Variants in CACNA1I observed in about 807,000 individuals in gnomAD.
CACNA1I encodes the protein voltage-dependent T-type calcium channel subunit alpha-1I.
Under a neutral mutation model 201.6 loss-of-function variants are expected in CACNA1I, and 74 were observed. That is an observed-to-expected ratio of 0.37 (90% CI 0.30 to 0.45). The LOEUF is 0.45. Ranked by LOEUF, CACNA1I falls within the 20% of genes least tolerant of loss-of-function variation. CACNA1I has a pLI of 1.00. For synonymous variants in CACNA1I, 1,431 were observed against 1,345.2 expected (o/e 1.06, Z -1.40); for missense variants, 2,346 against 3,138.1 (o/e 0.75, Z 6.03).
chr22:39,686,074 CGGGCGGCGG>C lies in CACNA1I; in HGVS notation c.6347_6355del (p.Gly2116_Gly2118del). The C allele has an allele frequency of 8.1e-7, 1 of 1,227,340 alleles. No individual in the cohort carries two copies. The highest frequency in any genetic ancestry group is 1.0e-6 in the Non-Finnish European group (1 of 987,308). 76.0% of individuals were successfully genotyped at this position (1,227,340 alleles called of 1,614,324 possible). A position where few individuals can be genotyped will look rare whatever the true frequency, so the allele number is the denominator to read the frequency against. ...TCGGACGAGGAGGGCCGCGGTGGCG[CGGGCGGCGG>C]GGGCGCGGGCAGCGAGCACTCGGAG... is the stretch of plus-strand genomic sequence containing the variant. On this transcript the variant is annotated inframe_deletion, in exon 37 of 37. Coordinates refer to ENST00000402142, the MANE Select transcript of CACNA1I (RefSeq NM_021096.4).
At chr22:39,607,400 G>T (rs902717124) in intron 3 of CACNA1I, among the ~76,000 whole-genome samples, 5 of 152,218 alleles carry the variant, frequency 3.3e-5, no homozygotes, top group African/African-American at 1.2e-4. Flanking sequence ...TTAGCTCAGG[G>T]ATCCACTGCC....
chr22:39,608,998 G>A (rs1933305141), intron 3 of CACNA1I, among the ~76,000 whole-genome samples: 1 of 152,222 alleles, frequency 6.6e-6, no homozygotes, highest in Non-Finnish European at 1.5e-5. Context: ...GTATGTCCCT[G>A]CTGAGGTTGC....
At chr22:39,663,946 G>A (rs1935103478) in intron 19 of CACNA1I, 105 bp downstream of exon 19, 25 of 1,550,250 alleles carry the variant, frequency 1.6e-5, no homozygotes, top group Non-Finnish European at 2.2e-5. Context: ...GGCAGGACAG[G>A]AAGTTTGCCT....
At position 39,648,030 on chromosome 22, in the gene CACNA1I, C is replaced by A; in HGVS notation, c.1567+104C>A. ...GGCAGGCATGGGGACGGCGCTTGAG[C>A]AGCCGCGACCCTCTGCAGGCCTGTC... On this transcript the variant is annotated intron_variant, in intron 9 of 36. Coordinates refer to ENST00000402142, the MANE Select transcript of CACNA1I (RefSeq NM_021096.4). This position sits in a 1 kb window ranked among gnomAD's most constrained non-coding sequence, Gnocchi z 5.4. 1 of 971,572 alleles carries A rather than the reference C, an allele frequency of 1.0e-6. No individual in the cohort carries two copies. Among genetic ancestry groups the A allele is most frequent in the Non-Finnish European group, 1.6e-6 (1 of 634,744 alleles). The allele number at this position is 971,572 out of a possible 1,614,324, so 60.2% of individuals were successfully genotyped here.
At chr22:39,588,941 T>C (rs132580) in intron 1 of CACNA1I, among the ~76,000 whole-genome samples, 77,203 of 152,090 alleles carry the variant, frequency 0.51, 20,524 homozygotes, top group African/African-American at 0.55. Flanking sequence ...GTGTTTCAGT[T>C]GCCTGTCCTT....
chr22:39,616,811 T>C (rs1933553012), intron 3 of CACNA1I, among the ~76,000 whole-genome samples: 2 of 151,478 alleles, frequency 1.3e-5, no homozygotes, highest in African/African-American at 4.9e-5. Context: ...AAACACTCTT[T>C]GTCATCAAGG....
chr22:39,656,239 T>C, intron 10 of CACNA1I, among the ~76,000 whole-genome samples: 1 of 151,956 alleles, frequency 6.6e-6, no homozygotes, highest in East Asian at 1.9e-4. Flanking sequence ...TTTTTTTCCA[T>C]CCTCCTTTTA....
rs1302873064 is a variant in CACNA1I at position 39,686,607 on chromosome 22, T to G, written c.*202T>G. ...TGGTGGCCCTTCCAGTGCATATACATACATATATATATATATATGCATATA... is the reference window on the plus strand; with the variant it reads ...TGGTGGCCCTTCCAGTGCATATACAGACATATATATATATATATGCATATA... On this transcript the variant is annotated 3_prime_UTR_variant, in exon 37 of 37. Coordinates refer to ENST00000402142, the MANE Select transcript of CACNA1I (RefSeq NM_021096.4). The G allele has an allele frequency of 1.1e-5, 1 of 93,730 alleles. No homozygotes were observed. Among genetic ancestry groups the G allele is most frequent in the Admixed American group, 1.3e-4 (1 of 7,980 alleles). 5.8% of individuals were successfully genotyped at this position (93,730 alleles called of 1,614,324 possible). A position where few individuals can be genotyped will look rare whatever the true frequency, so the allele number is the denominator to read the frequency against.
At chr22:39,664,202 G>C (rs1352118282) in intron 20 of CACNA1I, 43 bp downstream of exon 20, 1 of 1,546,318 alleles carries the variant, frequency 6.5e-7, no homozygotes, top group African/African-American at 1.4e-5. Context: ...GCCCCAGCTC[G>C]GGCCCCTGGC....
chr22:39,659,408 T>C lies in CACNA1I; in HGVS notation c.2331-25T>C, dbSNP rs1220698291. ...GGCAGTTTGGTGCATGTGAGTCCGA[T>C]GAGCCTCTTCCATCCTTTCCCCAGC... is the stretch of plus-strand genomic sequence containing the variant. On this transcript the variant is annotated intron_variant, in intron 12 of 36. Coordinates refer to ENST00000402142, the MANE Select transcript of CACNA1I (RefSeq NM_021096.4). This position sits in a 1 kb window ranked among gnomAD's most constrained non-coding sequence, Gnocchi z 4.3. 2 of 1,450,756 alleles carry C rather than the reference T, an allele frequency of 1.4e-6. No homozygotes were observed. The highest frequency in any genetic ancestry group is 2.5e-5 in the East Asian group (1 of 40,378). 89.9% of individuals were successfully genotyped at this position (1,450,756 alleles called of 1,614,324 possible).
Position 39,672,922 on chromosome 22 carries a change from C to A in CACNA1I, c.4650-27C>A, listed in dbSNP as rs372992372. On this transcript the variant is annotated intron_variant, in intron 27 of 36. Coordinates refer to ENST00000402142, the MANE Select transcript of CACNA1I (RefSeq NM_021096.4). ...CAGAGGGATCCTCCTCATGCCCACT[C>A]CTGCCCTCCCATGCACGGCTGAGCA... 902 of 1,602,846 alleles carry A rather than the reference C, an allele frequency of 5.6e-4. 16 individuals are homozygous for A. The South Asian group carries it at 7.8e-3, about 14-fold the overall frequency.
Position 39,646,822 on chromosome 22 carries a change from G to A in CACNA1I, c.1403G>A (p.Gly468Asp). The A allele has an allele frequency of 1.3e-6, 2 of 1,544,768 alleles. No individual in the cohort carries two copies. The highest frequency in any genetic ancestry group is 1.7e-6 in the Non-Finnish European group (2 of 1,144,870). Residue 468 changes from glycine to aspartate, a missense_variant, in exon 8 of 37, where the codon GGC becomes GAC. By Grantham distance (94) the Gly-to-Asp change is moderately conservative (BLOSUM62 -1). Transcript: ENST00000402142. The part of the protein sequence containing the change: ...QALQSRRQAL[G>D]PEAPAPAKPG... ...CTGCAGAGCCGGCGCCAGGCCCTGG[G>A]CCCGGAGGCCCCGGCCCCCGCCAAA... is the stretch of plus-strand genomic sequence containing the variant.
intron 5 of CACNA1I, among the ~76,000 whole-genome samples, chr22:39,635,410 GTGCCTCTCAGTC>G (rs1934187581): frequency 6.6e-6 from 1 of 152,168 alleles, no homozygotes; most frequent in Non-Finnish European, 1.5e-5. Flanking sequence ...CCTCTAGTGA[GTGCCTCTCAGTC>G]TGTTAATCAT....
At position 39,661,207 on chromosome 22, in the gene CACNA1I, C is replaced by T. The variant is rs751744214; in HGVS notation, c.2798C>T (p.Ala933Val). The change falls in exon 16 of 37, where the codon GCC (alanine) becomes GTC (valine). Residue 933 changes from alanine to valine, a missense_variant. By Grantham distance (64) the Ala-to-Val change is moderately conservative. Coordinates refer to ENST00000402142, the MANE Select transcript of CACNA1I (RefSeq NM_021096.4). ...GGTCCTGCTGGGGCTGCGGGACCTG[C>T]CCCCCGACTCTCACTGCAGCCGGAC... ...HLGPAGAAGP[A>V]PRLSLQPDPM... is the part of the protein sequence containing the mutation. The T allele has an allele frequency of 5.6e-6, 9 of 1,611,234 alleles. No individual in the cohort carries two copies. The South Asian group carries it at 8.8e-5, about 16-fold the overall frequency.
intron 4 of CACNA1I, among the ~76,000 whole-genome samples, chr22:39,633,879 G>C (rs1370950297): frequency 6.6e-6 from 1 of 152,214 alleles, no homozygotes; most frequent in Non-Finnish European, 1.5e-5. Flanking sequence ...GGCTCTGGGG[G>C]CTCTGCCTGG....
intron 24 of CACNA1I, 147 bp downstream of exon 24, chr22:39,668,528 C>T (rs1216744969): frequency 4.8e-6 from 3 of 623,700 alleles, no homozygotes; most frequent in Non-Finnish European, 8.8e-6. Flanking sequence ...TCCTCACATC[C>T]TGGCCTGAAT....
At chr22:39,592,379 G>A (rs987133802) in intron 1 of CACNA1I, among the ~76,000 whole-genome samples, 2 of 152,236 alleles carry the variant, frequency 1.3e-5, no homozygotes, top group African/African-American at 2.4e-5. Context: ...CCCGTGGGTG[G>A]TGAGTCTGTT....
At chr22:39,605,078 ATCCCCAG>A (rs1933177593) in intron 3 of CACNA1I, among the ~76,000 whole-genome samples, 1 of 102,326 alleles carries the variant, frequency 9.8e-6, no homozygotes, top group Admixed American at 1.2e-4. Context: ...CCCAAGACCC[ATCCCCAG>A]AGCTGCCCAC....
chr22:39,637,568 G>A lies in CACNA1I; in HGVS notation c.740+2844G>A, dbSNP rs1934251845. ...ATGGCTTATATATACCCAAAGATGT[G>A]TACAAGAATATTTATGAGTCATAAG... On this transcript the variant is annotated intron_variant, in intron 5 of 36. Coordinates refer to ENST00000402142, the MANE Select transcript of CACNA1I (RefSeq NM_021096.4). Among the ~76,000 whole-genome samples, 4 of 152,180 alleles carry A rather than the reference G, an allele frequency of 2.6e-5. No individual in the cohort carries two copies. The South Asian group carries it at 6.2e-4, about 24-fold the overall frequency.
Sources: gnomAD v4.1 joint callset for allele counts (sites outside exome capture counted in the v4.1 genomes callset) on GRCh38, gnomAD v4.1.1 for gene constraint, Gnocchi (gnomAD v3.1) non-coding constraint, MANE v1.5 for transcripts, NCBI Gene and HGNC (gene_info 2026-07-23, HGNC 2026-07-21) for gene names.